TFB2M: variants seen among roughly 807,000 people sequenced by gnomAD.
TFB2M encodes dimethyladenosine transferase 2, mitochondrial.
A neutral mutation model predicts 41.3 loss-of-function variants in TFB2M; 44 were observed. The ratio of observed to expected loss-of-function variants is 1.07; its 90% CI spans 0.84 to 1.37. The LOEUF (loss-of-function observed/expected upper bound fraction) is 1.37, where lower values mean the gene tolerates loss of function less well. Ranked by LOEUF, TFB2M falls within the 40% of genes most tolerant of loss-of-function variation. TFB2M has a pLI of 0.00. For synonymous variants in TFB2M, 188 were observed against 176.8 expected (o/e 1.06, Z -0.50); for missense variants, 496 against 490.2 (o/e 1.01, Z -0.11).
chr1:246,565,504 G>C (rs1224655314), intron 1 of TFB2M, among the ~76,000 whole-genome samples: 2 of 152,230 alleles, frequency 1.3e-5, no homozygotes, highest in East Asian at 1.9e-4. Context: ...ACGAGGTCAA[G>C]AGATCGAGAC....
In TFB2M at chr1:246,552,804, T is replaced by A. The variant is rs747628433; in HGVS notation, c.706-1502A>T. On this transcript the variant is annotated intron_variant, in intron 4 of 7. Transcript: ENST00000366514. ...AACTAATAAATTCAGCTGAGTATGG[T>A]AGCTCACACTTGTAATCCCAGCATT... is the stretch of plus-strand genomic sequence containing the variant. Among the ~76,000 whole-genome samples the A allele has an allele frequency of 4.6e-5, 7 of 152,118 alleles. No homozygotes were observed. In the East Asian group the frequency reaches 7.7e-4, roughly 17 times the overall value.
At chr1:246,565,453 C>T (rs1013747220) in intron 1 of TFB2M, among the ~76,000 whole-genome samples, 17 of 152,234 alleles carry the variant, frequency 1.1e-4, no homozygotes, top group African/African-American at 4.1e-4. Flanking sequence ...GTGGCTCACG[C>T]CTCTAATCCC....
At chr1:246,556,847 A>G (rs757411113) in intron 3 of TFB2M, 126 bp from the exon 4 acceptor site, 12 of 803,552 alleles carry the variant, frequency 1.5e-5, no homozygotes, top group Non-Finnish European at 2.2e-5. Flanking sequence ...ATTAAAACTA[A>G]GCCTCAATAT....
At chr1:246,546,345 G>A (rs372406967) in intron 6 of TFB2M, among the ~76,000 whole-genome samples, 2 of 89,868 alleles carry the variant, frequency 2.2e-5, no homozygotes, top group African/African-American at 6.7e-5. Context: ...TGGGCGTGGC[G>A]GCTCACGCCT....
At chr1:246,543,559 T>A (rs1658917275) in intron 7 of TFB2M, among the ~76,000 whole-genome samples, 1 of 151,780 alleles carries the variant, frequency 6.6e-6, no homozygotes, top group African/African-American at 2.4e-5. Context: ...ACACACAAAT[T>A]ACATGGATGG....
intron 5 of TFB2M, among the ~76,000 whole-genome samples, chr1:246,549,754 T>C (rs954117787): frequency 6.6e-6 from 1 of 152,168 alleles, no homozygotes; most frequent in Non-Finnish European, 1.5e-5. Context: ...AGTAACAATT[T>C]ATTATTAACT....
At chr1:246,546,921 T>G (rs571007717) in intron 6 of TFB2M, among the ~76,000 whole-genome samples, 16 of 151,454 alleles carry the variant, frequency 1.1e-4, no homozygotes, top group African/African-American at 3.6e-4. Flanking sequence ...AAATATGACA[T>G]TTGCTTATTT....
intron 6 of TFB2M, among the ~76,000 whole-genome samples, chr1:246,546,658 A>C (rs61842580): frequency 8.8e-5 from 13 of 147,966 alleles, no homozygotes; most frequent in South Asian, 2.1e-4. Flanking sequence ...AAAAAAAAAA[A>C]CCCAAACATG....
chr1:246,561,536 C>T (rs1008802200), intron 2 of TFB2M, among the ~76,000 whole-genome samples: 2 of 152,020 alleles, frequency 1.3e-5, no homozygotes, highest in Non-Finnish European at 2.9e-5. Flanking sequence ...GGCACGATCT[C>T]GGCTCACTGC....
At chr1:246,548,823 C>A (rs1890161) in intron 5 of TFB2M, among the ~76,000 whole-genome samples, 30 of 152,190 alleles carry the variant, frequency 2.0e-4, no homozygotes, top group African/African-American at 7.2e-4. Context: ...ACTAGTACCT[C>A]TTTTCCTTAT....
At chr1:246,546,308 CTT>C in intron 6 of TFB2M, among the ~76,000 whole-genome samples, 1 of 34,462 alleles carries the variant, frequency 2.9e-5, no homozygotes, top group East Asian at 4.0e-4. Flanking sequence ...GAGACACTGT[CTT>C]TTAAAAAAAG....
chr1:246,543,275 C>T (rs988957044), intron 7 of TFB2M, among the ~76,000 whole-genome samples: 2 of 152,060 alleles, frequency 1.3e-5, no homozygotes, highest in African/African-American at 2.4e-5. Context: ...ACATTTTACC[C>T]ATCCTCTGGC....
At chr1:246,549,599 CCA>C (rs1659116192) in intron 5 of TFB2M, among the ~76,000 whole-genome samples, 1 of 151,886 alleles carries the variant, frequency 6.6e-6, no homozygotes, top group African/African-American at 2.4e-5. Context: ...AAAAACCGAC[CCA>C]CCTGAAAAAG....
At chr1:246,562,554 G>C (rs2102991040) in intron 2 of TFB2M, among the ~76,000 whole-genome samples, 1 of 152,288 alleles carries the variant, frequency 6.6e-6, no homozygotes. Context: ...CAGGCTTGCA[G>C]TGAAAATGCA....
intron 7 of TFB2M, 79 bp from the exon 8 acceptor site, chr1:246,541,281 A>G (rs1159830232): frequency 1.4e-6 from 2 of 1,398,324 alleles, no homozygotes; most frequent in East Asian, 4.9e-5. Context: ...AATGGCTTCT[A>G]AGTTGAATTC....
chr1:246,548,002 A>T (rs1460213312), intron 6 of TFB2M, among the ~76,000 whole-genome samples: 1 of 147,922 alleles, frequency 6.8e-6, no homozygotes, highest in Non-Finnish European at 1.5e-5. Context: ...GCTAGAGTGC[A>T]GTGGCACGAT....
chr1:246,548,095 C>T (rs1333580739), intron 6 of TFB2M, among the ~76,000 whole-genome samples: 14 of 152,154 alleles, frequency 9.2e-5, no homozygotes, highest in South Asian at 4.2e-4. Flanking sequence ...TACAGGCATG[C>T]GCCACCACAC....
At chr1:246,563,759 C>T (rs889046854) in intron 2 of TFB2M, among the ~76,000 whole-genome samples, 1 of 152,094 alleles carries the variant, frequency 6.6e-6, no homozygotes, top group Non-Finnish European at 1.5e-5. Flanking sequence ...ACAGAATTGC[C>T]TTTAGGCCTT....
chr1:246,558,903 AT>A (rs1231160696), intron 2 of TFB2M, among the ~76,000 whole-genome samples: 1 of 117,864 alleles, frequency 8.5e-6, no homozygotes, highest in African/African-American at 3.3e-5. Context: ...TATAGACTCC[AT>A]AAACTTAATT....
Sources: gnomAD v4.1 joint callset for allele counts (sites outside exome capture counted in the v4.1 genomes callset) on GRCh38, gnomAD v4.1.1 for gene constraint, MANE v1.5 for transcripts, NCBI Gene and HGNC (gene_info 2026-07-23, HGNC 2026-07-21) for gene names.